Variants in IPO9 observed in about 807,000 individuals in gnomAD.
IPO9 encodes importin 9, also known as importin-9.
Under a neutral mutation model 128.6 loss-of-function variants are expected in IPO9, and 28 were observed. The ratio of observed to expected loss-of-function variants is 0.22; its 90% CI spans 0.16 to 0.30. The LOEUF (loss-of-function observed/expected upper bound fraction) is 0.30, where lower values mean the gene tolerates loss of function less well. Ranked by LOEUF, IPO9 falls within the 10% of genes least tolerant of loss-of-function variation. The pLI, the probability that IPO9 is intolerant of heterozygous loss-of-function variation, is 1.00. For missense variants in IPO9, 935 were observed against 1,293.9 expected, an observed-to-expected ratio of 0.72 and a Z score of 4.26; for synonymous variants, 455 against 475.8, an observed-to-expected ratio of 0.96 and a Z score of 0.57.
chr1:201,863,687 T>C, intron 14 of IPO9, 80 bp downstream of exon 14: 1 of 1,312,044 alleles, frequency 7.6e-7, no homozygotes, highest in Admixed American at 2.0e-5. Flanking sequence ...TCCAGTGTAT[T>C]ATGTTGCTTG....
At chr1:201,844,820 A>C (rs1680096118) in intron 1 of IPO9, among the ~76,000 whole-genome samples, 1 of 152,212 alleles carries the variant, frequency 6.6e-6, no homozygotes, top group South Asian at 2.1e-4. Context: ...TGGCTATTTC[A>C]GTAGAATCCA....
rs1477038527 is a variant in IPO9 at position 201,879,102 on chromosome 1, A to G, written c.*3048A>G. On this transcript the variant is annotated 3_prime_UTR_variant, in exon 24 of 24. Transcript: ENST00000361565. ...TGGAAGGAATGCTATAAGACTGAAA[A>G]GAAGTTAAAGCCCTAGGAAGGAAGC... 1 of 151,926 alleles carries G rather than the reference A, an allele frequency of 6.6e-6. No individual in the cohort carries two copies. The highest frequency in any genetic ancestry group is 1.5e-5 in the Non-Finnish European group (1 of 67,782). 9.4% of individuals were successfully genotyped at this position (151,926 alleles called of 1,614,324 possible). A position where few individuals can be genotyped will look rare whatever the true frequency, so the allele number is the denominator to read the frequency against.
chr1:201,857,385 C>G (rs1680349129), intron 11 of IPO9, among the ~76,000 whole-genome samples, 191 bp downstream of exon 11: 1 of 152,158 alleles, frequency 6.6e-6, no homozygotes. Flanking sequence ...GCTACTGGTT[C>G]TAACTTAAAA....
In IPO9 at chr1:201,876,111, C is replaced by A; in HGVS notation, c.*57C>A. The stretch of plus-strand genomic sequence containing the variant: ...GGGCCAGCCGCAAACCATTTTGCAG[C>A]CCTCACTGGCCTTGAGATGCACTTT... On this transcript the variant is annotated 3_prime_UTR_variant, in exon 24 of 24. Transcript: ENST00000361565. The A allele has an allele frequency of 8.8e-7, 1 of 1,140,254 alleles. No individual in the cohort carries two copies. Among genetic ancestry groups the A allele is most frequent in the Non-Finnish European group, 1.3e-6 (1 of 747,390 alleles). 70.6% of individuals were successfully genotyped at this position (1,140,254 alleles called of 1,614,324 possible).
chr1:201,845,643 T>TA (rs139690574), intron 1 of IPO9, among the ~76,000 whole-genome samples: 2,083 of 152,362 alleles, frequency 0.014, 43 homozygotes, highest in African/African-American at 0.045. Context: ...TTTAACTCTA[T>TA]ATTCATTTAA....
At position 201,878,249 on chromosome 1, in the gene IPO9, G is replaced by T. The variant is rs116356558; in HGVS notation, c.*2195G>T. ...AAGTGGTGCTGAGAAAACCACCCTC[G>T]GCCTTGCAGACTCCATAGTTTATCT... is the stretch of plus-strand genomic sequence containing the variant. On this transcript the variant is annotated 3_prime_UTR_variant, in exon 24 of 24. Transcript: ENST00000361565. The T allele has an allele frequency of 1.3e-5, 2 of 152,392 alleles. 1 individual carries two copies. Among genetic ancestry groups the T allele is most frequent in the Non-Finnish European group, 2.9e-5 (2 of 68,050 alleles). 9.4% of individuals were successfully genotyped at this position (152,392 alleles called of 1,614,324 possible).
At chr1:201,850,840 G>A (rs1464551665) in intron 4 of IPO9, 1 of 152,112 alleles carries the variant, frequency 6.6e-6, no homozygotes, top group Non-Finnish European at 1.5e-5. Context: ...CCTTGAGGAG[G>A]AAATTACAGC....
Position 201,847,548 on chromosome 1 carries a change from A to G in IPO9, c.226-4A>G, listed in dbSNP as rs1440927824. On this transcript the variant is annotated splice_region_variant and splice_polypyrimidine_tract_variant and intron_variant, in intron 2 of 23. Transcript: ENST00000361565. The stretch of plus-strand genomic sequence containing the variant: ...CTGTACTACTTGGCTTATTCTCTTC[A>G]CAGCTGGCATCAGTCATCTTGAAAC... 1.9e-6 allele frequency: 3 copies of G among 1,613,374 alleles called. No individual in the cohort carries two copies. In the African/African-American group the frequency reaches 4.0e-5, roughly 22 times the overall value.
intron 23 of IPO9, among the ~76,000 whole-genome samples, chr1:201,875,701 G>A (rs559897535): frequency 1.3e-5 from 2 of 152,106 alleles, no homozygotes; most frequent in Non-Finnish European, 2.9e-5. Flanking sequence ...TGCACTTGAT[G>A]TGTTGTAATT....
intron 1 of IPO9, among the ~76,000 whole-genome samples, chr1:201,832,613 A>G (rs1240188347): frequency 6.6e-6 from 1 of 152,160 alleles, no homozygotes; most frequent in Non-Finnish European, 1.5e-5. Context: ...GGTGTCTATT[A>G]TTATTTGTGT....
intron 16 of IPO9, among the ~76,000 whole-genome samples, chr1:201,869,002 C>T (rs1472735166): frequency 1.3e-5 from 2 of 152,188 alleles, no homozygotes. Context: ...CCTATAATTG[C>T]AGCACTTTGG....
At chr1:201,871,375 T>A in intron 19 of IPO9, 48 bp downstream of exon 19, 1 of 441,114 alleles carries the variant, frequency 2.3e-6, no homozygotes, top group Non-Finnish European at 3.5e-6. Flanking sequence ...CACTCATATT[T>A]CTTTTTTTTT....
intron 1 of IPO9, among the ~76,000 whole-genome samples, chr1:201,836,077 A>ACTCCAGCC (rs1208072289): frequency 7.9e-6 from 1 of 125,820 alleles, no homozygotes; most frequent in Non-Finnish European, 1.6e-5. Flanking sequence ...ACACCACTGC[A>ACTCCAGCC]CTCCAGCCCT....
chr1:201,874,892 T>C lies in IPO9; in HGVS notation c.2894T>C (p.Leu965Ser). The C allele has an allele frequency of 6.2e-7, 1 of 1,613,854 alleles. No homozygotes were observed. The highest frequency in any genetic ancestry group is 8.5e-7 in the Non-Finnish European group (1 of 1,179,722). Residue 965 changes from leucine to serine, a missense_variant, in exon 22 of 24, where the codon TTA (leucine) becomes TCA (serine). Leu to Ser is a moderately radical substitution (Grantham distance 145). Around this residue, in one of 3 missense-constraint regions of IPO9, gnomAD observed 188 missense variants for 246.7 expected, o/e 0.76. Transcript: ENST00000361565. ...EEEEEEEEDG[L>S]AGQLLSDILA... ...GAAGAGGAGGAGGAGGAGGATGGTTTAGCTGGCCAACTTTTATCTGACATT... is the reference window on the plus strand; with the variant it reads ...GAAGAGGAGGAGGAGGAGGATGGTTCAGCTGGCCAACTTTTATCTGACATT...
chr1:201,829,463 C>G, intron 1 of IPO9, 91 bp downstream of exon 1: 1 of 1,309,642 alleles, frequency 7.6e-7, no homozygotes, highest in Non-Finnish European at 1.0e-6. Flanking sequence ...GGAGCCTGAG[C>G]CAGTTGGAGA....
At position 201,875,932 on chromosome 1, in the gene IPO9, T is replaced by C. The variant is rs201230148; in HGVS notation, c.3016-12T>C. The C allele has an allele frequency of 6.4e-7, 1 of 1,557,650 alleles. No homozygotes were observed. Among genetic ancestry groups the C allele is most frequent in the Non-Finnish European group, 8.9e-7 (1 of 1,128,716 alleles). The stretch of plus-strand genomic sequence containing the variant: ...AATGTCTCACTAATGCCACTCTTGC[T>C]CTTTCCTCCAGGCATATCTCACAGA... On this transcript the variant is annotated splice_polypyrimidine_tract_variant and intron_variant, in intron 23 of 23. Transcript: ENST00000361565.
chr1:201,848,633 C>G lies in IPO9; in HGVS notation c.514+39C>G, dbSNP rs1482438930. Reference sequence around the variant, plus strand: ...TTTTCCCTGGTATTGGTACTTGGATCTCAAGCGACAGGAGTATTACCAGAA... The same window carrying G: ...TTTTCCCTGGTATTGGTACTTGGATGTCAAGCGACAGGAGTATTACCAGAA... On this transcript the variant is annotated intron_variant, in intron 4 of 23. Coordinates refer to ENST00000361565, the MANE Select transcript of IPO9 (RefSeq NM_018085.5). 1.9e-6 allele frequency: 3 copies of G among 1,595,584 alleles called. No individual in the cohort carries two copies. In the South Asian group the frequency reaches 3.3e-5, roughly 18 times the overall value.
At chr1:201,857,233 C>T in intron 11 of IPO9, 39 bp downstream of exon 11, 1 of 1,307,220 alleles carries the variant, frequency 7.6e-7, no homozygotes, top group Non-Finnish European at 1.1e-6. Flanking sequence ...TAATTTCTAT[C>T]AGTCACTTGA....
chr1:201,875,829 G>A, intron 23 of IPO9, 115 bp from the exon 24 acceptor site: 1 of 712,780 alleles, frequency 1.4e-6, no homozygotes, highest in East Asian at 2.5e-5. Context: ...CCCTCAGGGA[G>A]CTGGCATTTG....
Sources: allele counts gnomAD v4.1 joint callset (sites outside exome capture counted in the v4.1 genomes callset), GRCh38; gene constraint gnomAD v4.1.1; regional missense constraint gnomAD v4.1.1; transcripts MANE v1.5; gene names NCBI Gene and HGNC (gene_info 2026-07-23, HGNC 2026-07-21).